The following DNAJC13 variants were observed in gnomAD, a reference collection of about 807,000 sequenced individuals.
DNAJC13 encodes DnaJ heat shock protein family (Hsp40) member C13.
Under a neutral mutation model 290.5 loss-of-function variants are expected in DNAJC13, and 75 were observed. The ratio of observed to expected loss-of-function variants is 0.26; its 90% CI spans 0.21 to 0.31. DNAJC13 has a LOEUF of 0.31. Ranked by LOEUF, DNAJC13 falls within the 10% of genes least tolerant of loss-of-function variation. The pLI is 1.00. For missense variants in DNAJC13, 2,260 were observed against 2,674.5 expected, an observed-to-expected ratio of 0.85 and a Z score of 3.42; for synonymous variants, 862 against 892.0, an observed-to-expected ratio of 0.97 and a Z score of 0.60.
In DNAJC13 at chr3:132,464,483, ATT is replaced by A. The variant is rs527865194; in HGVS notation, c.1892+671_1892+672del. Among the ~76,000 whole-genome samples the A allele has an allele frequency of 3.9e-5, 6 of 152,196 alleles. No homozygotes were observed. The South Asian group carries it at 1.2e-3, about 32-fold the overall frequency. ...CAGTATCATAAATAGTTTTAATTTT[ATT>A]TTTTGACTTTTTAAATAATAGCATA... On this transcript the variant is annotated intron_variant, in intron 17 of 55. Coordinates refer to ENST00000260818, the MANE Select transcript of DNAJC13 (RefSeq NM_015268.4).
intron 1 of DNAJC13, among the ~76,000 whole-genome samples, chr3:132,426,160 GCC>G (rs1441193850): frequency 1.3e-5 from 2 of 152,166 alleles, no homozygotes; most frequent in African/African-American, 4.8e-5. Flanking sequence ...TAGCCAAAAT[GCC>G]TGTGTTGCCC....
At chr3:132,508,367 A>G (rs572717665) in intron 43 of DNAJC13, among the ~76,000 whole-genome samples, 2 of 152,344 alleles carry the variant, frequency 1.3e-5, no homozygotes, top group East Asian at 3.9e-4. Context: ...ACAAGTTTCT[A>G]ATGCCTTCTA....
chr3:132,469,981 T>C (rs1166145686), intron 20 of DNAJC13, among the ~76,000 whole-genome samples: 1 of 128,618 alleles, frequency 7.8e-6, no homozygotes, highest in Non-Finnish European at 1.7e-5. Context: ...TTTTTTTTTT[T>C]TTTTTTTTTT....
intron 51 of DNAJC13, 94 bp from the exon 52 acceptor site, chr3:132,525,516 G>C (rs1406113725): frequency 7.7e-7 from 1 of 1,306,552 alleles, no homozygotes; most frequent in Admixed American, 2.3e-5. Flanking sequence ...TAGAACTTTT[G>C]AATCCCTAGT....
chr3:132,516,662 G>A (rs771033777), intron 47 of DNAJC13, 42 bp from the exon 48 acceptor site: 4 of 1,568,952 alleles, frequency 2.5e-6, no homozygotes, highest in Non-Finnish European at 3.5e-6. Context: ...GATTAGAAAA[G>A]TCAAATTCTT....
chr3:132,514,688 A>C lies in DNAJC13; in HGVS notation c.5485+18A>C. 1 of 1,589,032 alleles carries C rather than the reference A, an allele frequency of 6.3e-7. No individual in the cohort carries two copies. Among genetic ancestry groups the C allele is most frequent in the Non-Finnish European group, 8.6e-7 (1 of 1,161,400 alleles). On this transcript the variant is annotated intron_variant, in intron 46 of 55. Coordinates refer to ENST00000260818, the MANE Select transcript of DNAJC13 (RefSeq NM_015268.4). The stretch of plus-strand genomic sequence containing the variant: ...GCCATCAAGTATGTATACAGATGGA[A>C]TTTTGGAAACCACAGCAAGATTAGC...
Position 132,536,875 on chromosome 3 carries a change from GT to G in DNAJC13, c.6626-1299del, listed in dbSNP as rs1217305207. Among the ~76,000 whole-genome samples, 16 of 152,234 alleles carry G rather than the reference GT, an allele frequency of 1.1e-4. No individual in the cohort carries two copies. In the East Asian group the frequency reaches 3.1e-3, roughly 29 times the overall value. On this transcript the variant is annotated intron_variant, in intron 55 of 55. Coordinates refer to ENST00000260818, the MANE Select transcript of DNAJC13 (RefSeq NM_015268.4). ...TAAAAAGGAGAAATATTTTTTGTAA[GT>G]TCTACAAGTACAAGGTTTTTATAAG...
intron 53 of DNAJC13, 72 bp downstream of exon 53, chr3:132,526,353 A>G: frequency 6.3e-7 from 1 of 1,582,492 alleles, no homozygotes; most frequent in Non-Finnish European, 8.6e-7. Flanking sequence ...CCTATTTGGT[A>G]CTGATTTGGT....
chr3:132,526,073 G>T (rs1308352499), intron 52 of DNAJC13, 68 bp from the exon 53 acceptor site: 2 of 1,550,170 alleles, frequency 1.3e-6, no homozygotes, highest in African/African-American at 2.8e-5. Context: ...TACTTATTTT[G>T]TTATGGTATT....
chr3:132,444,384 T>C (rs1933176056), intron 2 of DNAJC13, among the ~76,000 whole-genome samples: 1 of 152,170 alleles, frequency 6.6e-6, no homozygotes, highest in African/African-American at 2.4e-5. Flanking sequence ...TCAAAGTTCT[T>C]TTGACAGTAT....
chr3:132,459,011 T>C (rs1933706820), intron 13 of DNAJC13, among the ~76,000 whole-genome samples: 2 of 151,994 alleles, frequency 1.3e-5, no homozygotes, highest in Non-Finnish European at 2.9e-5. Context: ...GTTTAATAAA[T>C]AATGATTAAT....
chr3:132,501,854 C>T (rs1465786875), intron 39 of DNAJC13, among the ~76,000 whole-genome samples: 1 of 152,136 alleles, frequency 6.6e-6, no homozygotes, highest in African/African-American at 2.4e-5. Flanking sequence ...AAAATATCTC[C>T]TCTACTATAT....
At chr3:132,477,665 A>G (rs1553747124) in intron 22 of DNAJC13, 124 bp from the exon 23 acceptor site, 1 of 663,408 alleles carries the variant, frequency 1.5e-6, no homozygotes, top group Admixed American at 3.0e-5. Context: ...CATGTTAACA[A>G]TATTGAATTA....
chr3:132,514,921 T>TATGGAGACCACC, intron 46 of DNAJC13: 1 of 194,550 alleles, frequency 5.1e-6, no homozygotes, highest in South Asian at 4.3e-5. Flanking sequence ...TTCAGTTTGT[T>TATGGAGACCACC]GAGATCTACA....
intron 1 of DNAJC13, among the ~76,000 whole-genome samples, chr3:132,428,885 C>T (rs1156931862): frequency 6.6e-6 from 1 of 151,256 alleles, no homozygotes; most frequent in Non-Finnish European, 1.5e-5. Context: ...CAGGCATTCT[C>T]CACCACGCCT....
intron 45 of DNAJC13, 100 bp downstream of exon 45, chr3:132,513,199 T>C: frequency 1.0e-6 from 1 of 1,003,220 alleles, no homozygotes; most frequent in Non-Finnish European, 1.5e-6. Context: ...GTGTGCTTTT[T>C]TGTTGCATCA....
chr3:132,420,906 T>C (rs1938936185), intron 1 of DNAJC13, among the ~76,000 whole-genome samples: 1 of 152,178 alleles, frequency 6.6e-6, no homozygotes. Flanking sequence ...CCAAAAATTA[T>C]GAGGCCCATG....
intron 4 of DNAJC13, 105 bp from the exon 5 acceptor site, chr3:132,447,793 C>G (rs1933299839): frequency 1.2e-6 from 1 of 860,500 alleles, no homozygotes. Context: ...TTTTTAGTGT[C>G]CAGGTTACCA....
chr3:132,490,495 GA>G (rs1445732419), intron 31 of DNAJC13, among the ~76,000 whole-genome samples: 24 of 152,236 alleles, frequency 1.6e-4, no homozygotes, highest in African/African-American at 5.8e-4. Flanking sequence ...ACTTATTTTT[GA>G]AAACAGAAGC....
Sources: gnomAD v4.1 joint callset for allele counts (sites outside exome capture counted in the v4.1 genomes callset) on GRCh38, gnomAD v4.1.1 for gene constraint, MANE v1.5 for transcripts, NCBI Gene and HGNC (gene_info 2026-07-23, HGNC 2026-07-21) for gene names.